BDKRB2: variants seen among roughly 807,000 people sequenced by gnomAD.
BDKRB2 encodes the protein bradykinin receptor B2.
A neutral mutation model predicts 4.0 loss-of-function variants in BDKRB2; 6 were observed. That is an observed-to-expected ratio of 1.49 (90% CI 0.81 to 2.93). BDKRB2 has a LOEUF of 2.93. Among genes scored for constraint, BDKRB2 ranks in the 30% most tolerant of loss-of-function variants. The pLI is 0.00. For missense variants in BDKRB2, 478 were observed against 520.1 expected, an observed-to-expected ratio of 0.92 and a Z score of 0.79; for synonymous variants, 225 against 215.3, an observed-to-expected ratio of 1.05 and a Z score of -0.40.
intron 1 of BDKRB2, among the ~76,000 whole-genome samples, chr14:96,209,149 G>A (rs563548562): frequency 6.6e-5 from 10 of 152,198 alleles, no homozygotes; most frequent in African/African-American, 2.2e-4. Flanking sequence ...AGGTGCGGGG[G>A]TCCTGCTCTG....
rs147180472 is a variant in BDKRB2, at chr14:96,233,189, C to T, written c.-39-3880C>T. Among the ~76,000 whole-genome samples, 481 of 152,278 alleles carry T rather than the reference C, an allele frequency of 3.2e-3. 3 individuals carry two copies. Among genetic ancestry groups the T allele is most frequent in the African/African-American group, 0.011 (452 of 41,552 alleles). On this transcript the variant is annotated intron_variant, in intron 1 of 2. Coordinates refer to ENST00000554311, the MANE Select transcript of BDKRB2 (RefSeq NM_001379692.1). Reference sequence around the variant, plus strand: ...CCAGGACTACAGGTGTGTGCCACCACGCTCACCTAATTTTTTGGTACTTTT... The same window carrying T: ...CCAGGACTACAGGTGTGTGCCACCATGCTCACCTAATTTTTTGGTACTTTT...
chr14:96,236,707 G>A (rs1259977250), intron 1 of BDKRB2, among the ~76,000 whole-genome samples: 1 of 152,174 alleles, frequency 6.6e-6, no homozygotes, highest in Non-Finnish European at 1.5e-5. Context: ...ATATCCTCCT[G>A]CACCATCATC....
At chr14:96,218,875 C>A (rs567272285) in intron 1 of BDKRB2, among the ~76,000 whole-genome samples, 5 of 151,754 alleles carry the variant, frequency 3.3e-5, no homozygotes, top group African/African-American at 4.9e-5. Flanking sequence ...GCCAAGATCA[C>A]GCCACTGCAC....
chr14:96,229,330 C>T lies in BDKRB2; in HGVS notation c.-39-7739C>T, dbSNP rs1380711021. Among the ~76,000 whole-genome samples, 4 of 152,068 alleles carry T rather than the reference C, an allele frequency of 2.6e-5. 1 individual carries two copies. Among genetic ancestry groups the T allele is most frequent in the Non-Finnish European group, 5.9e-5 (4 of 68,016 alleles). ...GAGACACAGATTAAGAGATGTATTG[C>T]AAGGAACTGGCTTATGTGATTGTAG... is the stretch of plus-strand genomic sequence containing the variant. On this transcript the variant is annotated intron_variant, in intron 1 of 2. Transcript: ENST00000554311.
chr14:96,237,786 C>T, intron 2 of BDKRB2: 1 of 1,289,816 alleles, frequency 7.8e-7, no homozygotes, highest in Non-Finnish European at 1.0e-6. Flanking sequence ...CCTATAGTTT[C>T]CAATTCCGCA....
chr14:96,206,709 TC>T (rs1209231892), intron 1 of BDKRB2, among the ~76,000 whole-genome samples: 1 of 152,148 alleles, frequency 6.6e-6, no homozygotes, highest in Non-Finnish European at 1.5e-5. Context: ...TAGGGCGGCC[TC>T]CTCACCTGTG....
chr14:96,236,534 C>T (rs1164499084), intron 1 of BDKRB2, among the ~76,000 whole-genome samples: 2 of 152,178 alleles, frequency 1.3e-5, no homozygotes, highest in East Asian at 1.9e-4. Flanking sequence ...CAGGTTTACC[C>T]TCTAAACTCC....
chr14:96,231,697 C>A (rs1360385718), intron 1 of BDKRB2, among the ~76,000 whole-genome samples: 1 of 152,204 alleles, frequency 6.6e-6, no homozygotes, highest in African/African-American at 2.4e-5. Context: ...TGAAGGATTT[C>A]ACTTATTTAC....
Position 96,204,861 on chromosome 14 carries a change from T to C in BDKRB2, c.-138T>C, listed in dbSNP as rs1432753379. 5.5e-6 allele frequency: 2 copies of C among 363,738 alleles called. No homozygotes were observed. The highest frequency in any genetic ancestry group is 1.1e-5 in the Non-Finnish European group (2 of 183,472). 22.5% of individuals were successfully genotyped at this position (363,738 alleles called of 1,614,324 possible). ...GCCACTCCAGCTCTGGCTTCTGGGC[T>C]CCGAGGAGGGGTGGGGACGGTGGGG... is the stretch of plus-strand genomic sequence containing the variant. On this transcript the variant is annotated 5_prime_UTR_variant, in exon 1 of 3. Transcript: ENST00000554311.
intron 1 of BDKRB2, among the ~76,000 whole-genome samples, chr14:96,213,694 G>A (rs1020831953): frequency 6.6e-6 from 1 of 152,170 alleles, no homozygotes; most frequent in Non-Finnish European, 1.5e-5. Flanking sequence ...GTGCACAGTG[G>A]AGAGAAAGGG....
chr14:96,216,690 G>A (rs1347125732), intron 1 of BDKRB2, among the ~76,000 whole-genome samples: 1 of 131,658 alleles, frequency 7.6e-6, no homozygotes, highest in East Asian at 2.3e-4. Flanking sequence ...GGAGGAGGAG[G>A]AGGAAGGAGG....
Position 96,241,686 on chromosome 14 carries a change from A to G in BDKRB2, c.*182A>G. Reference sequence around the variant, plus strand: ...CAATTTTGCAGGGAGCATGGCTGTGAGGATGGGGTGAACTCACGCACAGCC... The same window carrying G: ...CAATTTTGCAGGGAGCATGGCTGTGGGGATGGGGTGAACTCACGCACAGCC... On this transcript the variant is annotated 3_prime_UTR_variant, in exon 3 of 3. Coordinates refer to ENST00000554311, the MANE Select transcript of BDKRB2 (RefSeq NM_001379692.1). 1 of 1,042,446 alleles carries G rather than the reference A, an allele frequency of 9.6e-7. No homozygotes were observed. Among genetic ancestry groups the G allele is most frequent in the Non-Finnish European group, 1.3e-6 (1 of 772,034 alleles). 64.6% of individuals were successfully genotyped at this position (1,042,446 alleles called of 1,614,324 possible). A position where few individuals can be genotyped will look rare whatever the true frequency, so the allele number is the denominator to read the frequency against.
chr14:96,239,535 C>A (rs894391014), intron 2 of BDKRB2: 2 of 985,398 alleles, frequency 2.0e-6, no homozygotes, highest in Non-Finnish European at 2.4e-6. Context: ...CACCAACAAA[C>A]GGTGGTGTTG....
intron 2 of BDKRB2, chr14:96,239,798 A>G: frequency 3.0e-6 from 3 of 985,394 alleles, no homozygotes; most frequent in Non-Finnish European, 3.6e-6. Flanking sequence ...ATCTGGCTGC[A>G]AAGTCCCCAC....
At chr14:96,208,889 A>T (rs1396615232) in intron 1 of BDKRB2, among the ~76,000 whole-genome samples, 1 of 152,176 alleles carries the variant, frequency 6.6e-6, no homozygotes, top group Non-Finnish European at 1.5e-5. Flanking sequence ...GGCACAGAGA[A>T]GTGGCCCAGC....
chr14:96,238,247 C>T, intron 2 of BDKRB2: 1 of 457,896 alleles, frequency 2.2e-6, no homozygotes, highest in Non-Finnish European at 2.9e-6. Context: ...CCCCATGTGG[C>T]TGCTTGAGTA....
rs1885343393 is a variant in BDKRB2, at chr14:96,243,166, GC to G, written c.*1663del. On this transcript the variant is annotated 3_prime_UTR_variant, in exon 3 of 3. Coordinates refer to ENST00000554311, the MANE Select transcript of BDKRB2 (RefSeq NM_001379692.1). ...AACCTGGAGGGCTAGAACCTGGAGG[GC>G]TAGAATCTGGAGAGCTAGAACCTGG... The G allele has an allele frequency of 6.4e-6, 1 of 155,568 alleles. No individual in the cohort carries two copies. Among genetic ancestry groups the G allele is most frequent in the Admixed American group, 6.5e-5 (1 of 15,284 alleles). The allele number at this position is 155,568 out of a possible 1,614,324, so 9.6% of individuals were successfully genotyped here. A position where few individuals can be genotyped will look rare whatever the true frequency, so the allele number is the denominator to read the frequency against.
At chr14:96,217,861 A>AGG in intron 1 of BDKRB2, among the ~76,000 whole-genome samples, 1 of 151,358 alleles carries the variant, frequency 6.6e-6, no homozygotes, top group South Asian at 2.1e-4. Flanking sequence ...CAGGCTCCAG[A>AGG]CTCCTCCAAC....
chr14:96,211,117 C>T (rs1030737000), intron 1 of BDKRB2: 6 of 152,210 alleles, frequency 3.9e-5, no homozygotes, highest in African/African-American at 1.2e-4. Flanking sequence ...AGATTTGGGC[C>T]CAAACATTTC....
Sources: allele counts gnomAD v4.1 joint callset (sites outside exome capture counted in the v4.1 genomes callset), GRCh38; gene constraint gnomAD v4.1.1; transcripts MANE v1.5; gene names NCBI Gene and HGNC (gene_info 2026-07-23, HGNC 2026-07-21).